QKI: variants seen among roughly 807,000 people sequenced by gnomAD.
QKI encodes KH domain-containing RNA-binding protein QKI.
Under a neutral mutation model 39.0 loss-of-function variants are expected in QKI, and 10 were observed. The observed-to-expected ratio is 0.26, with a 90% confidence interval of 0.16 to 0.43. QKI has a LOEUF of 0.43. Among genes scored for constraint, QKI ranks in the 20% least tolerant of loss-of-function variants. QKI has a pLI of 1.00. For missense variants in QKI, 218 were observed against 428.0 expected (o/e 0.51, Z 4.33); for synonymous variants, 204 against 155.4 (o/e 1.31, Z -2.33).
rs568695515 is a variant in QKI, at chr6:163,427,079, T to C, written c.142+11744T>C. ...CACTTGGCCATTTCTCCAATAGGAA[T>C]GGTATGAAATACTTGAATTTAGGTG... On this transcript the variant is annotated intron_variant, in intron 1 of 7. Transcript: ENST00000361752. 2.0e-5 allele frequency among the ~76,000 whole-genome samples: 3 copies of C among 152,264 alleles called. No individual in the cohort carries two copies. The East Asian group carries it at 5.8e-4, about 29-fold the overall frequency.
At chr6:163,472,785 C>T (rs1792298740) in intron 2 of QKI, among the ~76,000 whole-genome samples, 1 of 151,962 alleles carries the variant, frequency 6.6e-6, no homozygotes, top group Admixed American at 6.6e-5. Flanking sequence ...GTCAAATTAC[C>T]TTGACTTTGA....
chr6:163,478,707 A>G, intron 2 of QKI, 73 bp from the exon 3 acceptor site: 3 of 956,666 alleles, frequency 3.1e-6, no homozygotes, highest in Non-Finnish European at 4.8e-6. Context: ...AAATGTAGAT[A>G]TACTTTATAT....
intron 3 of QKI, among the ~76,000 whole-genome samples, chr6:163,525,563 C>G (rs989465446): frequency 6.6e-6 from 1 of 151,978 alleles, no homozygotes; most frequent in Admixed American, 6.6e-5. Flanking sequence ...TTTGCCGTGT[C>G]GGCCAGGCTG....
At chr6:163,519,991 A>G (rs1780051745) in intron 3 of QKI, among the ~76,000 whole-genome samples, 2 of 152,186 alleles carry the variant, frequency 1.3e-5, no homozygotes, top group African/African-American at 4.8e-5. Context: ...ACTAGTGGAC[A>G]AGTAACGTAC....
chr6:163,550,488 G>A (rs1782157043), intron 4 of QKI, among the ~76,000 whole-genome samples: 1 of 152,030 alleles, frequency 6.6e-6, no homozygotes, highest in Admixed American at 6.5e-5. Context: ...TCAGAGATTT[G>A]GGGGGAAGCT....
chr6:163,420,625 A>G (rs1279198332), intron 1 of QKI, among the ~76,000 whole-genome samples: 1 of 152,182 alleles, frequency 6.6e-6, no homozygotes, highest in Non-Finnish European at 1.5e-5. Context: ...GTTTGACATT[A>G]AGACAGCTTA....
At chr6:163,473,205 G>C (rs1792335887) in intron 2 of QKI, among the ~76,000 whole-genome samples, 4 of 152,186 alleles carry the variant, frequency 2.6e-5, no homozygotes, top group Admixed American at 2.6e-4. Context: ...AGATATTGAT[G>C]ATGACTGGGT....
chr6:163,495,413 A>G (rs893632676), intron 3 of QKI, among the ~76,000 whole-genome samples: 6 of 152,110 alleles, frequency 3.9e-5, no homozygotes, highest in Non-Finnish European at 7.4e-5. Context: ...GTGTGTCTGT[A>G]TGTATGTACA....
At chr6:163,486,257 ATTCT>A (rs1777671347) in intron 3 of QKI, among the ~76,000 whole-genome samples, 1 of 152,234 alleles carries the variant, frequency 6.6e-6, no homozygotes, top group Non-Finnish European at 1.5e-5. Context: ...TGTACAAATC[ATTCT>A]TGTCAGAATG....
Position 163,522,014 on chromosome 6 carries a change from A to G in QKI, c.403-12968A>G, listed in dbSNP as rs577407236. ...GCTGAAAAGCCATTTTTTAAGGAAG[A>G]TACAGGAAAGAACAGAGATAGGAGT... On this transcript the variant is annotated intron_variant, in intron 3 of 7. Coordinates refer to ENST00000361752, the MANE Select transcript of QKI (RefSeq NM_006775.3). Among the ~76,000 whole-genome samples the G allele has an allele frequency of 2.0e-5, 3 of 152,306 alleles. No homozygotes were observed. In the South Asian group the frequency reaches 6.2e-4, roughly 32 times the overall value.
chr6:163,533,195 C>A (rs1230378364), intron 3 of QKI, among the ~76,000 whole-genome samples: 6 of 151,740 alleles, frequency 4.0e-5, no homozygotes, highest in Admixed American at 3.9e-4. Context: ...TGTTAGCATT[C>A]TTGAACATAA....
chr6:163,468,343 C>A (rs1791933033), intron 2 of QKI, among the ~76,000 whole-genome samples: 1 of 152,062 alleles, frequency 6.6e-6, no homozygotes, highest in Non-Finnish European at 1.5e-5. Context: ...TCCCCTTGTC[C>A]CCAAATTTTA....
intron 1 of QKI, among the ~76,000 whole-genome samples, chr6:163,420,588 T>A (rs1787918207): frequency 6.6e-6 from 1 of 152,128 alleles, no homozygotes; most frequent in Admixed American, 6.5e-5. Context: ...TCAACGGGAC[T>A]TCATTTTTTT....
intron 7 of QKI, chr6:163,569,692 A>G: frequency 1.0e-6 from 1 of 1,003,910 alleles, no homozygotes; most frequent in Non-Finnish European, 1.2e-6. Flanking sequence ...TGCAAAAGAA[A>G]ATAGTATTTA....
At chr6:163,479,012 G>A (rs905184430) in intron 3 of QKI, 116 bp downstream of exon 3, 31 of 847,862 alleles carry the variant, frequency 3.7e-5, no homozygotes, top group Non-Finnish European at 4.5e-5. Flanking sequence ...CAGGCCGGGC[G>A]CGGTGGCTCA....
intron 1 of QKI, among the ~76,000 whole-genome samples, chr6:163,443,808 G>T (rs144557231): frequency 6.6e-6 from 1 of 152,266 alleles, no homozygotes; most frequent in African/African-American, 2.4e-5. Context: ...AATCGAAAAG[G>T]TTAATTAAAA....
chr6:163,431,888 G>A (rs1049553723), intron 1 of QKI, among the ~76,000 whole-genome samples: 2 of 149,662 alleles, frequency 1.3e-5, no homozygotes, highest in Admixed American at 1.3e-4. Flanking sequence ...GGATTTGAGA[G>A]ATCGTAGACC....
At chr6:163,488,589 TC>T (rs1292780395) in intron 3 of QKI, among the ~76,000 whole-genome samples, 2 of 152,172 alleles carry the variant, frequency 1.3e-5, no homozygotes, top group Admixed American at 6.6e-5. Flanking sequence ...CAAAGCAGTC[TC>T]AGAATAACTA....
At chr6:163,519,370 C>T (rs1476274026) in intron 3 of QKI, among the ~76,000 whole-genome samples, 1 of 151,908 alleles carries the variant, frequency 6.6e-6, no homozygotes, top group African/African-American at 2.4e-5. Flanking sequence ...GACAGCTTGA[C>T]AAAAGGGGAC....
Sources: gnomAD v4.1 joint callset for allele counts (sites outside exome capture counted in the v4.1 genomes callset) on GRCh38, gnomAD v4.1.1 for gene constraint, MANE v1.5 for transcripts, NCBI Gene and HGNC (gene_info 2026-07-23, HGNC 2026-07-21) for gene names.